Variants in KLHL11 observed in about 807,000 individuals in gnomAD.
KLHL11 encodes the protein kelch like family member 11.
KLHL11 carries 26 observed loss-of-function variants against 56.1 expected under a neutral mutation model. The ratio of observed to expected loss-of-function variants is 0.46; its 90% CI spans 0.34 to 0.64. The LOEUF (loss-of-function observed/expected upper bound fraction) is 0.64. Ranked by LOEUF, KLHL11 falls within the 30% of genes least tolerant of loss-of-function variation. The pLI, the probability that KLHL11 is intolerant of heterozygous loss-of-function variation, is 0.01. For missense variants in KLHL11, 627 were observed against 919.4 expected (o/e 0.68, Z 4.11); for synonymous variants, 338 against 345.8 (o/e 0.98, Z 0.25).
At chr17:41,861,686 CAAAAAAA>C (rs71155178) in intron 1 of KLHL11, among the ~76,000 whole-genome samples, 9 of 61,872 alleles carry the variant, frequency 1.5e-4, no homozygotes, top group Admixed American at 6.5e-4. Context: ...ACTCTTGTCT[CAAAAAAA>C]AAAAAAAAAA....
chr17:41,856,270 G>A (rs1362025544), intron 1 of KLHL11, among the ~76,000 whole-genome samples: 6 of 152,188 alleles, frequency 3.9e-5, no homozygotes, highest in Non-Finnish European at 7.3e-5. Flanking sequence ...GATTACAGGC[G>A]TGGGCCACTG....
chr17:41,864,695 G>T, intron 1 of KLHL11, 131 bp downstream of exon 1: 1 of 980,334 alleles, frequency 1.0e-6, no homozygotes, highest in Non-Finnish European at 1.4e-6. Flanking sequence ...CAGGCGCTCA[G>T]CGAGTGTGAA....
Position 41,855,265 on chromosome 17 carries a change from T to C in KLHL11, c.602A>G (p.His201Arg), listed in dbSNP as rs782335446. The C allele has an allele frequency of 6.2e-7, 1 of 1,603,226 alleles. No homozygotes were observed. Among genetic ancestry groups the C allele is most frequent in the Non-Finnish European group, 8.5e-7 (1 of 1,175,448 alleles). The change falls in exon 2 of 2, where the codon CAT (histidine) becomes CGT (arginine). Residue 201 changes from histidine to arginine, a missense_variant. Physicochemically the swap from His to Arg is conservative, Grantham distance 29. Transcript: ENST00000319121. ...ATGAATTGCCACACAATTTGAGAGA[T>C]GAAGTTTTTTCTTGAGAAATTCTCC... Reference protein sequence around the residue: ...FCGEFLKKKLHLSNCVAIHSL... With the variant: ...FCGEFLKKKLRLSNCVAIHSL...
In KLHL11 at chr17:41,860,945, CTT is replaced by C. The variant is rs1481926467; in HGVS notation, c.545+3879_545+3880del. Among the ~76,000 whole-genome samples, 3 of 152,144 alleles carry C rather than the reference CTT, an allele frequency of 2.0e-5. No homozygotes were observed. The East Asian group carries it at 5.8e-4, about 29-fold the overall frequency. The stretch of plus-strand genomic sequence containing the variant: ...CACAGGAATAGCTTTGAAGAGCTGT[CTT>C]TTGTGGGGGCGATTTGCATCTGTAG... On this transcript the variant is annotated intron_variant, in intron 1 of 1. Coordinates refer to ENST00000319121, the MANE Select transcript of KLHL11 (RefSeq NM_018143.3).
chr17:41,865,338 CGCCGCCGCCGCCGCCACT>C lies in KLHL11; in HGVS notation c.15_32del (p.Val6_Ala11del). Reference sequence around the variant, plus strand: ...CCTGAAGAGATGCAGCCGCGGCCGCCGCCGCCGCCGCCGCCACTGCCGCAGCCGCCATCTTGACGCCGC... The same window carrying C: ...CCTGAAGAGATGCAGCCGCGGCCGCCGCCGCAGCCGCCATCTTGACGCCGC... On this transcript the variant is annotated inframe_deletion, in exon 1 of 2. Coordinates refer to ENST00000319121, the MANE Select transcript of KLHL11 (RefSeq NM_018143.3). The C allele has an allele frequency of 7.0e-7, 1 of 1,436,414 alleles. No individual in the cohort carries two copies. The highest frequency in any genetic ancestry group is 3.0e-5 in the Admixed American group (1 of 32,876). The allele number at this position is 1,436,414 out of a possible 1,614,324, so 89.0% of individuals were successfully genotyped here.
intron 1 of KLHL11, among the ~76,000 whole-genome samples, chr17:41,858,413 T>C (rs1296796194): frequency 9.6e-6 from 1 of 104,054 alleles, no homozygotes; most frequent in Non-Finnish European, 1.9e-5. Context: ...TATTTTTTGT[T>C]GTTGTTGTTG....
chr17:41,852,821 T>C lies in KLHL11; in HGVS notation c.*919A>G, dbSNP rs2048339950. Among the ~76,000 whole-genome samples, 1 of 150,998 alleles carries C rather than the reference T, an allele frequency of 6.6e-6. No individual in the cohort carries two copies. On this transcript the variant is annotated 3_prime_UTR_variant, in exon 2 of 2. Transcript: ENST00000319121. ...GAGAAAAGGAATAATGAAGATTCTA[T>C]ATAATATGCATTAGAGCAAAAATTA... is the stretch of plus-strand genomic sequence containing the variant.
At chr17:41,856,660 G>A (rs2048368487) in intron 1 of KLHL11, among the ~76,000 whole-genome samples, 2 of 151,988 alleles carry the variant, frequency 1.3e-5, no homozygotes, top group Admixed American at 6.6e-5. Context: ...GGAAGCTGAG[G>A]GTCGCTTGAG....
rs2048344414 is a variant in KLHL11, at chr17:41,853,680, T to C, written c.*60A>G. On this transcript the variant is annotated 3_prime_UTR_variant, in exon 2 of 2. Coordinates refer to ENST00000319121, the MANE Select transcript of KLHL11 (RefSeq NM_018143.3). ...CGACATACTTTTTTAAATAACAGCC[T>C]GGGTATCTTCAGCTTCACGAAACGG... 2.6e-6 allele frequency: 4 copies of C among 1,526,582 alleles called. 1 individual carries two copies. In the Admixed American group the frequency reaches 6.2e-5, roughly 24 times the overall value. 94.6% of individuals were successfully genotyped at this position (1,526,582 alleles called of 1,614,324 possible).
intron 1 of KLHL11, among the ~76,000 whole-genome samples, chr17:41,855,983 T>TC (rs67536905): frequency 6.4e-5 from 5 of 78,068 alleles, no homozygotes; most frequent in African/African-American, 2.0e-4. Context: ...GCCTACACCA[T>TC]CCCCCCCCCA....
At chr17:41,864,791 C>A (rs966489184) in intron 1 of KLHL11, 35 bp downstream of exon 1, 1 of 1,483,088 alleles carries the variant, frequency 6.7e-7, no homozygotes, top group African/African-American at 1.4e-5. Context: ...CTCTCCGCGC[C>A]CGCCGCCCTC....
intron 1 of KLHL11, among the ~76,000 whole-genome samples, chr17:41,863,448 G>A (rs1343572845): frequency 1.3e-5 from 2 of 151,996 alleles, no homozygotes; most frequent in Admixed American, 1.3e-4. Context: ...CACCCACCTC[G>A]GCCTCTCAAA....
At position 41,865,400 on chromosome 17, in the gene KLHL11, C is replaced by T. The variant is rs1477145975; in HGVS notation, c.-30G>A. 2.3e-6 allele frequency: 3 copies of T among 1,296,122 alleles called. No individual in the cohort carries two copies. The highest frequency in any genetic ancestry group is 3.0e-6 in the Non-Finnish European group (3 of 989,646). The allele number at this position is 1,296,122 out of a possible 1,614,324, so 80.3% of individuals were successfully genotyped here. ...ACGCCGCTGCGCCCGGCCTCCACAG[C>T]CTCGGAACGATGCGGCTGTTGGTAC... On this transcript the variant is annotated 5_prime_UTR_variant, in exon 1 of 2. Transcript: ENST00000319121.
In KLHL11 at chr17:41,849,199, G is replaced by A. The variant is rs1376945764; in HGVS notation, c.*4541C>T. The A allele has an allele frequency of 6.6e-6, 1 of 152,146 alleles. No individual in the cohort carries two copies. Among genetic ancestry groups the A allele is most frequent in the Non-Finnish European group, 1.5e-5 (1 of 68,032 alleles). The allele number at this position is 152,146 out of a possible 1,614,324, so 9.4% of individuals were successfully genotyped here. A position where few individuals can be genotyped will look rare whatever the true frequency, so the allele number is the denominator to read the frequency against. On this transcript the variant is annotated 3_prime_UTR_variant, in exon 2 of 2. Coordinates refer to ENST00000319121, the MANE Select transcript of KLHL11 (RefSeq NM_018143.3). ...TTTTGCAGTTAAAGCACCCTCTGGT[G>A]TAGACAGAGTACTTGGTTTACAGTA...
chr17:41,852,713 CCTGGCAGG>C lies in KLHL11; in HGVS notation c.*1019_*1026del, dbSNP rs559685796. On this transcript the variant is annotated 3_prime_UTR_variant, in exon 2 of 2. Transcript: ENST00000319121. ...TGCTGAGGCAAGAGAATCACTCGAA[CCTGGCAGG>C]CAGAGGTTGCAGTGAGCCGAGATTG... 1.4e-3 allele frequency among the ~76,000 whole-genome samples: 210 copies of C among 151,132 alleles called. No individual in the cohort carries two copies. Among genetic ancestry groups the C allele is most frequent in the Non-Finnish European group, 2.3e-3 (153 of 67,864 alleles).
chr17:41,854,783 T>C lies in KLHL11; in HGVS notation c.1084A>G (p.Met362Val). 9.9e-6 allele frequency: 16 copies of C among 1,614,164 alleles called. No individual in the cohort carries two copies. Among genetic ancestry groups the C allele is most frequent in the Non-Finnish European group, 1.4e-5 (16 of 1,180,034 alleles). The change falls in exon 2 of 2, where the codon ATG becomes GTG. Residue 362 changes from methionine (M) to valine (V), a missense_variant. By Grantham distance (21) the Met-to-Val change is conservative. Transcript: ENST00000319121. This position sits in a 1 kb window ranked among gnomAD's most constrained non-coding sequence, Gnocchi z 4.9. ...PRYGQNMDVIMVIGGVSEGGD... is the reference protein window; with the variant it reads ...PRYGQNMDVIVVIGGVSEGGD... Reference sequence around the variant, plus strand: ...CCTTCTGACACACCTCCAATAACCATGATCACATCCATGTTTTGCCCATAA... The same window carrying C: ...CCTTCTGACACACCTCCAATAACCACGATCACATCCATGTTTTGCCCATAA...
At chr17:41,861,368 C>T (rs1276959005) in intron 1 of KLHL11, among the ~76,000 whole-genome samples, 5 of 152,198 alleles carry the variant, frequency 3.3e-5, no homozygotes, top group Non-Finnish European at 5.9e-5. Flanking sequence ...ATCTGCTATG[C>T]TTTTCTCTGT....
rs540223512 is a variant in KLHL11, at chr17:41,865,332, GGCCGCCGCCGCC to G, written c.27_38del (p.Ala13_Ala16del). On this transcript the variant is annotated inframe_deletion, in exon 1 of 2. Coordinates refer to ENST00000319121, the MANE Select transcript of KLHL11 (RefSeq NM_018143.3). The stretch of plus-strand genomic sequence containing the variant: ...CCAGTACCTGAAGAGATGCAGCCGC[GGCCGCCGCCGCC>G]GCCGCCGCCACTGCCGCAGCCGCCA... 3 of 1,442,316 alleles carry G rather than the reference GGCCGCCGCCGCC, an allele frequency of 2.1e-6. No homozygotes were observed. Among genetic ancestry groups the G allele is most frequent in the Middle Eastern group, 2.1e-4 (1 of 4,800 alleles). The allele number at this position is 1,442,316 out of a possible 1,614,324, so 89.3% of individuals were successfully genotyped here.
chr17:41,851,629 C>T lies in KLHL11; in HGVS notation c.*2111G>A, dbSNP rs2048332704. Among the ~76,000 whole-genome samples, 1 of 151,486 alleles carries T rather than the reference C, an allele frequency of 6.6e-6. No homozygotes were observed. Among genetic ancestry groups the T allele is most frequent in the Non-Finnish European group, 1.5e-5 (1 of 67,922 alleles). ...AAAAAAAAAAAAGTTATTTTGAGGC[C>T]GGGCGTGGTGGCTCACACCTAATCC... On this transcript the variant is annotated 3_prime_UTR_variant, in exon 2 of 2. Transcript: ENST00000319121.
Sources: allele counts gnomAD v4.1 joint callset (sites outside exome capture counted in the v4.1 genomes callset), GRCh38; gene constraint gnomAD v4.1.1; non-coding constraint Gnocchi (gnomAD v3.1); transcripts MANE v1.5; gene names NCBI Gene and HGNC (gene_info 2026-07-23, HGNC 2026-07-21).